ZC3H3: variants seen among roughly 807,000 people sequenced by gnomAD.
The protein encoded by ZC3H3 is zinc finger CCCH domain-containing protein 3.
In ZC3H3, 36 loss-of-function variants were observed where a neutral mutation model predicts 77.3. That is an observed-to-expected ratio of 0.47 (90% CI 0.36 to 0.61). ZC3H3 has a LOEUF of 0.61. Ranked by LOEUF, ZC3H3 falls within the 20% of genes least tolerant of loss-of-function variation. ZC3H3 has a pLI of 0.00. For synonymous variants in ZC3H3, 626 were observed against 555.2 expected (o/e 1.13, Z -1.79); for missense variants, 1,331 against 1,312.2 (o/e 1.01, Z -0.22).
At chr8:143,514,194 T>C (rs114633664) in intron 3 of ZC3H3, among the ~76,000 whole-genome samples, 2,693 of 152,214 alleles carry the variant, frequency 0.018, 79 homozygotes, top group African/African-American at 0.061. Context: ...AGGTCCACCA[T>C]GTGCAGGGGG....
At chr8:143,465,550 G>A (rs1000466008) in intron 9 of ZC3H3, among the ~76,000 whole-genome samples, 167 bp downstream of exon 9, 5 of 152,210 alleles carry the variant, frequency 3.3e-5, no homozygotes, top group Non-Finnish European at 7.3e-5. Context: ...GCAACCCCGG[G>A]AAAGTTGCTG....
At chr8:143,497,954 C>G (rs562402049) in intron 4 of ZC3H3, among the ~76,000 whole-genome samples, 1 of 152,328 alleles carries the variant, frequency 6.6e-6, no homozygotes, top group African/African-American at 2.4e-5. Context: ...CACCACAGCA[C>G]GAAGAGGCCC....
intron 4 of ZC3H3, among the ~76,000 whole-genome samples, chr8:143,500,739 C>T (rs1157207549): frequency 6.6e-6 from 1 of 152,122 alleles, no homozygotes; most frequent in African/African-American, 2.4e-5. Flanking sequence ...CAGCACTGAC[C>T]CATCCACAGG....
At chr8:143,485,121 A>G (rs1027453908) in intron 4 of ZC3H3, among the ~76,000 whole-genome samples, 2 of 152,238 alleles carry the variant, frequency 1.3e-5, no homozygotes, top group Non-Finnish European at 2.9e-5. Flanking sequence ...CTGAGGAAAA[A>G]TTCTACAGCA....
intron 3 of ZC3H3, among the ~76,000 whole-genome samples, chr8:143,534,366 A>G (rs1183311016): frequency 6.6e-6 from 1 of 151,408 alleles, no homozygotes; most frequent in African/African-American, 2.4e-5. Context: ...GTGCACTCCG[A>G]AATGGTCAGC....
chr8:143,506,998 A>C (rs1009625921), intron 4 of ZC3H3, among the ~76,000 whole-genome samples: 1 of 152,214 alleles, frequency 6.6e-6, no homozygotes, highest in Non-Finnish European at 1.5e-5. Flanking sequence ...GTCAGAAGAC[A>C]GAGGGAGGGG....
Position 143,440,286 on chromosome 8 carries a change from G to A in ZC3H3, c.2570C>T (p.Pro857Leu), listed in dbSNP as rs1819705083. 4 of 1,574,230 alleles carry A rather than the reference G, an allele frequency of 2.5e-6. No homozygotes were observed. The highest frequency in any genetic ancestry group is 2.7e-5 in the African/African-American group (2 of 74,444). Residue 857 changes from proline to leucine, a missense_variant, in exon 11 of 12, where the codon CCT becomes CTT. Physicochemically the swap from Pro to Leu is moderately conservative, Grantham distance 98. Around this residue, in one of 3 missense-constraint regions of ZC3H3, gnomAD observed 249 missense variants for 236.9 expected, o/e 1.05. Coordinates refer to ENST00000262577, the MANE Select transcript of ZC3H3 (RefSeq NM_015117.3). ...AALTAAAVAA[P>L]PHCPGGSASP... The stretch of plus-strand genomic sequence containing the variant: ...GGCTGACCCCCCTGGGCAGTGGGGA[G>A]GTGCAGCCACGGCAGCCGCAGTGAG...
intron 4 of ZC3H3, among the ~76,000 whole-genome samples, chr8:143,498,787 G>C (rs1298406280): frequency 7.9e-6 from 1 of 127,340 alleles, no homozygotes; most frequent in African/African-American, 3.3e-5. Context: ...GGCAGGGCAG[G>C]GGGTACAGGG....
chr8:143,458,919 G>A (rs961099360), intron 9 of ZC3H3, among the ~76,000 whole-genome samples: 2 of 152,050 alleles, frequency 1.3e-5, no homozygotes, highest in Non-Finnish European at 2.9e-5. Context: ...CCAGGAGTTC[G>A]AGACTTGCCT....
rs1441590946 is a variant in ZC3H3, at chr8:143,530,211, G to A, written c.1561+6046C>T. On this transcript the variant is annotated intron_variant, in intron 3 of 11. Transcript: ENST00000262577. This position sits in a 1 kb window ranked among gnomAD's most constrained non-coding sequence, Gnocchi z 4.3. ...AGCCAGGCCCTTTCTGTCCACCACA[G>A]GTGTGCCCAGGACCTGCCAGGCCCG... Among the ~76,000 whole-genome samples, 1 of 152,100 alleles carries A rather than the reference G, an allele frequency of 6.6e-6. No individual in the cohort carries two copies. The highest frequency in any genetic ancestry group is 2.1e-4 in the South Asian group (1 of 4,818).
At chr8:143,471,760 A>C (rs1468327171) in intron 5 of ZC3H3, among the ~76,000 whole-genome samples, 1 of 152,076 alleles carries the variant, frequency 6.6e-6, no homozygotes, top group East Asian at 1.9e-4. Flanking sequence ...AGCCACCCCC[A>C]CCCCTTCCAA....
chr8:143,533,500 C>T lies in ZC3H3; in HGVS notation c.1561+2757G>A, dbSNP rs78256919. On this transcript the variant is annotated intron_variant, in intron 3 of 11. Coordinates refer to ENST00000262577, the MANE Select transcript of ZC3H3 (RefSeq NM_015117.3). This position sits in a 1 kb window ranked among gnomAD's most constrained non-coding sequence, Gnocchi z 4.0. Reference sequence around the variant, plus strand: ...GCTGCCTGTCTCCACCACTGGAAGGCGGCTCCAGCCTCATCATCTCTTCAC... The same window carrying T: ...GCTGCCTGTCTCCACCACTGGAAGGTGGCTCCAGCCTCATCATCTCTTCAC... Among the ~76,000 whole-genome samples, 2 of 152,108 alleles carry T rather than the reference C, an allele frequency of 1.3e-5. No individual in the cohort carries two copies. The highest frequency in any genetic ancestry group is 2.1e-4 in the South Asian group (1 of 4,828).
rs149583483 is a variant in ZC3H3 at position 143,539,079 on chromosome 8, G to A, written c.288C>T (p.His96=). Reference sequence around the variant, plus strand: ...CAGGAGGCTGGCCCCCCCGGGCCCCGTGCAACGGCCGCACAGCATGGTCGG... The same window carrying A: ...CAGGAGGCTGGCCCCCCCGGGCCCCATGCAACGGCCGCACAGCATGGTCGG... ...PPADHAVRPL[H]GARGGQPPVP... is the part of the protein sequence containing the mutation. Residue 96 remains histidine (H), a synonymous_variant, in exon 2 of 12, where the codon CAC becomes CAT. Coordinates refer to ENST00000262577, the MANE Select transcript of ZC3H3 (RefSeq NM_015117.3). The A allele has an allele frequency of 1.4e-4, 230 of 1,612,970 alleles. No homozygotes were observed. The East Asian group carries it at 1.8e-3, about 13-fold the overall frequency.
chr8:143,442,076 GC>G (rs1246174949), intron 9 of ZC3H3, among the ~76,000 whole-genome samples: 1 of 152,086 alleles, frequency 6.6e-6, no homozygotes, highest in Non-Finnish European at 1.5e-5. Context: ...ACAGTCCCTT[GC>G]CAGGCACCTG....
chr8:143,437,956 G>T lies in ZC3H3; in HGVS notation c.*100C>A. 1 of 1,492,890 alleles carries T rather than the reference G, an allele frequency of 6.7e-7. No homozygotes were observed. Among genetic ancestry groups the T allele is most frequent in the Non-Finnish European group, 9.1e-7 (1 of 1,093,596 alleles). 92.5% of individuals were successfully genotyped at this position (1,492,890 alleles called of 1,614,324 possible). A position where few individuals can be genotyped will look rare whatever the true frequency, so the allele number is the denominator to read the frequency against. ...TCCCTGTGGCCCCCAGGTGAGGCTTGGTGGCGGGCGGCCCTCCTGTGGGGT... is the reference window on the plus strand; with the variant it reads ...TCCCTGTGGCCCCCAGGTGAGGCTTTGTGGCGGGCGGCCCTCCTGTGGGGT... On this transcript the variant is annotated 3_prime_UTR_variant, in exon 12 of 12. Transcript: ENST00000262577.
chr8:143,454,039 T>TA (rs1402185359), intron 9 of ZC3H3, among the ~76,000 whole-genome samples: 1 of 152,044 alleles, frequency 6.6e-6, no homozygotes, highest in Non-Finnish European at 1.5e-5. Context: ...CCAAAAATAT[T>TA]AAATGGAAAA....
At chr8:143,441,784 C>A (rs1819749258) in intron 9 of ZC3H3, among the ~76,000 whole-genome samples, 1 of 152,148 alleles carries the variant, frequency 6.6e-6, no homozygotes, top group Non-Finnish European at 1.5e-5. Context: ...GCCCAGCCTG[C>A]CCTTCCTCTG....
In ZC3H3 at chr8:143,541,427, G is replaced by A. The variant is rs568094577; in HGVS notation, c.-6C>T. On this transcript the variant is annotated 5_prime_UTR_variant, in exon 1 of 12. Coordinates refer to ENST00000262577, the MANE Select transcript of ZC3H3 (RefSeq NM_015117.3). The stretch of plus-strand genomic sequence containing the variant: ...AATATCTCCTTTTCCTCCATCTCCC[G>A]AGTCCGCGACGGCCGGCCAGGCCCC... 108 of 1,611,676 alleles carry A rather than the reference G, an allele frequency of 6.7e-5. 2 individuals carry two copies. In the South Asian group the frequency reaches 1.1e-3, roughly 16 times the overall value.
intron 9 of ZC3H3, among the ~76,000 whole-genome samples, chr8:143,458,451 C>T (rs13255806): frequency 6.0e-5 from 8 of 133,996 alleles, no homozygotes; most frequent in Middle Eastern, 4.5e-3. Context: ...CACAGCTGGG[C>T]GCAGTGGCTC....
Sources: gnomAD v4.1 joint callset for allele counts (sites outside exome capture counted in the v4.1 genomes callset) on GRCh38, gnomAD v4.1.1 for gene constraint, gnomAD v4.1.1 regional missense constraint, Gnocchi (gnomAD v3.1) non-coding constraint, MANE v1.5 for transcripts, NCBI Gene and HGNC (gene_info 2026-07-23, HGNC 2026-07-21) for gene names.